Variants in AP3D1 observed in about 807,000 individuals in gnomAD.
AP3D1 encodes AP-3 complex subunit delta-1.
In AP3D1, 51 loss-of-function variants were observed where a neutral mutation model predicts 147.6. That is an observed-to-expected ratio of 0.35 (90% CI 0.28 to 0.44). The LOEUF is 0.44. Ranked by LOEUF, AP3D1 falls within the 20% of genes least tolerant of loss-of-function variation. The pLI is 1.00. For missense variants in AP3D1, 1,421 were observed against 1,624.2 expected, an observed-to-expected ratio of 0.87 and a Z score of 2.15; for synonymous variants, 760 against 663.0, an observed-to-expected ratio of 1.15 and a Z score of -2.25.
intron 5 of AP3D1, among the ~76,000 whole-genome samples, chr19:2,132,252 C>T (rs898411998): frequency 3.3e-5 from 5 of 152,192 alleles, no homozygotes; most frequent in Non-Finnish European, 5.9e-5. Flanking sequence ...TTGCTCCTCT[C>T]GGCAAGATGA....
At chr19:2,157,923 G>C (rs2019661562) in intron 1 of AP3D1, among the ~76,000 whole-genome samples, 2 of 152,240 alleles carry the variant, frequency 1.3e-5, no homozygotes, top group African/African-American at 4.8e-5. Flanking sequence ...AAGGATAGTG[G>C]TGATGGAGGA....
chr19:2,101,465 A>G lies in AP3D1; in HGVS notation c.*708T>C, dbSNP rs1331775463. The G allele has an allele frequency of 7.9e-6, 1 of 126,290 alleles. No homozygotes were observed. The highest frequency in any genetic ancestry group is 1.6e-5 in the Non-Finnish European group (1 of 60,964). 7.8% of individuals were successfully genotyped at this position (126,290 alleles called of 1,614,324 possible). A position where few individuals can be genotyped will look rare whatever the true frequency, so the allele number is the denominator to read the frequency against. On this transcript the variant is annotated 3_prime_UTR_variant, in exon 32 of 32. Transcript: ENST00000643116. ...AAGCAGGGGATGCGGACCACCCCAA[A>G]CCCAAGCCGAGATGCACTTCTGCTG...
At position 2,116,764 on chromosome 19, in the gene AP3D1, G is replaced by A. The variant is rs773752809; in HGVS notation, c.1860-18C>T. 3 of 1,594,626 alleles carry A rather than the reference G, an allele frequency of 1.9e-6. No individual in the cohort carries two copies. The highest frequency in any genetic ancestry group is 1.1e-5 in the South Asian group (1 of 89,076). ...GGTCCAGGCTGCACCGGACAGGAGG[G>A]CCACACAAGGCAGTGTGTGACCGAG... On this transcript the variant is annotated intron_variant, in intron 16 of 31. Coordinates refer to ENST00000643116, the MANE Select transcript of AP3D1 (RefSeq NM_001261826.3).
At chr19:2,132,109 G>A (rs751087319) in intron 5 of AP3D1, among the ~76,000 whole-genome samples, 1 of 152,164 alleles carries the variant, frequency 6.6e-6, no homozygotes, top group African/African-American at 2.4e-5. Context: ...AGAGTGGCAA[G>A]GAGGAGTCAA....
At chr19:2,147,579 AAAAAAAC>A (rs1381789298) in intron 1 of AP3D1, among the ~76,000 whole-genome samples, 2 of 150,382 alleles carry the variant, frequency 1.3e-5, no homozygotes, top group Non-Finnish European at 3.0e-5. Flanking sequence ...GAAGAAGAAA[AAAAAAAC>A]AAAAAAGAAA....
intron 26 of AP3D1, 79 bp from the exon 27 acceptor site, chr19:2,110,975 C>A: frequency 6.8e-7 from 1 of 1,469,210 alleles, no homozygotes; most frequent in East Asian, 2.3e-5. Flanking sequence ...TCTTAATGAC[C>A]ACAGAGGCAG....
chr19:2,155,145 C>T (rs1008043164), upstream of AP3D1, among the ~76,000 whole-genome samples: 19 of 151,874 alleles, frequency 1.3e-4, no homozygotes, highest in Non-Finnish European at 2.8e-4. Context: ...CGCGCCATTG[C>T]ACTCCAGCCT....
chr19:2,122,242 G>C (rs2018632496), intron 11 of AP3D1, among the ~76,000 whole-genome samples: 1 of 152,176 alleles, frequency 6.6e-6, no homozygotes. Flanking sequence ...GCCCAAGGCA[G>C]GGTCTCACCT....
intron 24 of AP3D1, chr19:2,112,555 T>A (rs559713719): frequency 1.2e-4 from 33 of 282,324 alleles, no homozygotes; most frequent in African/African-American, 7.1e-4. Context: ...TCTTTAGGGG[T>A]CATGGAAAGT....
At chr19:2,149,166 C>A (rs990239826) in intron 1 of AP3D1, among the ~76,000 whole-genome samples, 1 of 152,130 alleles carries the variant, frequency 6.6e-6, no homozygotes, top group African/African-American at 2.4e-5. Flanking sequence ...CCAGACACTG[C>A]GTGTCCTGCC....
chr19:2,111,555 G>C, intron 25 of AP3D1, 124 bp downstream of exon 25: 1 of 1,346,298 alleles, frequency 7.4e-7, no homozygotes, highest in Non-Finnish European at 1.0e-6. Context: ...CCCTGCCCCC[G>C]CCAGGCTCGG....
At chr19:2,143,870 C>T (rs2144545196) in intron 1 of AP3D1, among the ~76,000 whole-genome samples, 1 of 152,100 alleles carries the variant, frequency 6.6e-6, no homozygotes, top group East Asian at 1.9e-4. Flanking sequence ...GGTGCATCGC[C>T]TGAGGTTGGG....
intron 1 of AP3D1, among the ~76,000 whole-genome samples, chr19:2,141,871 C>T (rs1240116754): frequency 6.6e-6 from 1 of 151,540 alleles, no homozygotes; most frequent in East Asian, 1.9e-4. Flanking sequence ...TTTGGGAGTA[C>T]AGTAAATAGC....
At chr19:2,129,675 T>C (rs1044258222) in intron 6 of AP3D1, among the ~76,000 whole-genome samples, 1 of 152,188 alleles carries the variant, frequency 6.6e-6, no homozygotes, top group African/African-American at 2.4e-5. Context: ...TGAGAAAGCA[T>C]TGCTCGGCAC....
At chr19:2,125,270 A>C (rs1286873307) in intron 9 of AP3D1, among the ~76,000 whole-genome samples, 1 of 152,218 alleles carries the variant, frequency 6.6e-6, no homozygotes, top group Non-Finnish European at 1.5e-5. Context: ...GCAAGATTTC[A>C]GAAATGTCAC....
intron 1 of AP3D1, among the ~76,000 whole-genome samples, chr19:2,157,696 C>T (rs1489088393): frequency 1.3e-5 from 2 of 149,840 alleles, no homozygotes; most frequent in East Asian, 4.0e-4. Context: ...TCCCCATCCA[C>T]CCATCCACCC....
chr19:2,137,591 C>T (rs1340520543), intron 3 of AP3D1, 136 bp downstream of exon 3: 3 of 746,358 alleles, frequency 4.0e-6, no homozygotes, highest in Admixed American at 4.5e-5. Context: ...GCTGGGATTA[C>T]AGGCCACTGA....
At chr19:2,119,318 G>C (rs2018545458) in intron 14 of AP3D1, among the ~76,000 whole-genome samples, 1 of 152,200 alleles carries the variant, frequency 6.6e-6, no homozygotes, top group African/African-American at 2.4e-5. Context: ...CAGCACTCTG[G>C]GAGGCCGAGG....
intron 1 of AP3D1, among the ~76,000 whole-genome samples, chr19:2,146,868 A>G (rs1599495910): frequency 6.6e-6 from 1 of 152,112 alleles, no homozygotes; most frequent in South Asian, 2.1e-4. Flanking sequence ...GTCTGGGCAC[A>G]CCTGTGGCTG....
Sources: allele counts gnomAD v4.1 joint callset (sites outside exome capture counted in the v4.1 genomes callset), GRCh38; gene constraint gnomAD v4.1.1; transcripts MANE v1.5; gene names NCBI Gene and HGNC (gene_info 2026-07-23, HGNC 2026-07-21).